The following IL26 variants were observed in gnomAD, a reference collection of about 807,000 sequenced individuals.
The protein encoded by IL26 is interleukin-26.
Under a neutral mutation model 21.7 loss-of-function variants are expected in IL26, and 23 were observed. The observed-to-expected ratio is 1.06, with a 90% confidence interval of 0.76 to 1.50. The LOEUF (loss-of-function observed/expected upper bound fraction) is 1.50, where lower values mean the gene tolerates loss of function less well. IL26 is among the 40% of genes most tolerant of loss of function. The probability of loss-of-function intolerance (pLI) is 0.00; values close to 1 mark genes in which losing one functional copy is unlikely to be tolerated. For missense variants in IL26, 204 were observed against 196.0 expected, an observed-to-expected ratio of 1.04 and a Z score of -0.24; for synonymous variants, 63 against 67.8, an observed-to-expected ratio of 0.93 and a Z score of 0.34.
At chr12:68,208,881 G>C (rs1202378437) in intron 3 of IL26, among the ~76,000 whole-genome samples, 7 of 152,138 alleles carry the variant, frequency 4.6e-5, no homozygotes, top group African/African-American at 7.2e-5. Flanking sequence ...ATAGTGTTCA[G>C]CAAATACTAA....
chr12:68,220,932 T>G (rs905250950), intron 3 of IL26, among the ~76,000 whole-genome samples: 2 of 152,234 alleles, frequency 1.3e-5, no homozygotes, highest in African/African-American at 4.8e-5. Context: ...CTACCGTACC[T>G]GGCCAAATTC....
At chr12:68,205,869 T>C (rs953565336) in intron 3 of IL26, among the ~76,000 whole-genome samples, 1 of 152,222 alleles carries the variant, frequency 6.6e-6, no homozygotes, top group African/African-American at 2.4e-5. Flanking sequence ...AATTGTCTAA[T>C]GTCAATTTGT....
Position 68,201,380 on chromosome 12 carries a change from C to A in IL26, c.*465G>T, listed in dbSNP as rs1186932312. The A allele has an allele frequency of 2.0e-5, 3 of 152,714 alleles. No individual in the cohort carries two copies. The highest frequency in any genetic ancestry group is 7.2e-5 in the African/African-American group (3 of 41,438). 9.5% of individuals were successfully genotyped at this position (152,714 alleles called of 1,614,324 possible). ...GAAACCCAATTTATTTAATTAAAAT[C>A]AAAATGTGTTAAGTACTAAGTTCAC... On this transcript the variant is annotated 3_prime_UTR_variant, in exon 5 of 5. Transcript: ENST00000229134.
At chr12:68,217,224 G>A (rs1450368523) in intron 3 of IL26, among the ~76,000 whole-genome samples, 1 of 152,164 alleles carries the variant, frequency 6.6e-6, no homozygotes, top group Non-Finnish European at 1.5e-5. Context: ...CAGTGGTACT[G>A]GGAATTCCAG....
intron 3 of IL26, among the ~76,000 whole-genome samples, chr12:68,202,889 C>T (rs770176220): frequency 4.6e-5 from 7 of 151,958 alleles, no homozygotes; most frequent in East Asian, 1.9e-4. Context: ...TATGCTCCTC[C>T]GAGGCAAGAG....
chr12:68,224,048 CTCT>C (rs1565740710), intron 3 of IL26, among the ~76,000 whole-genome samples: 1 of 146,892 alleles, frequency 6.8e-6, no homozygotes, highest in East Asian at 2.0e-4. Context: ...CACCCCCCCC[CTCT>C]AATGGCCCAG....
chr12:68,205,372 G>T (rs780891312), intron 3 of IL26, among the ~76,000 whole-genome samples: 12 of 145,054 alleles, frequency 8.3e-5, no homozygotes, highest in Non-Finnish European at 1.3e-4. Flanking sequence ...TTGACCGGAA[G>T]CCTTATTGAT....
At chr12:68,203,519 G>A (rs1868444644) in intron 3 of IL26, among the ~76,000 whole-genome samples, 2 of 152,150 alleles carry the variant, frequency 1.3e-5, no homozygotes, top group African/African-American at 4.8e-5. Flanking sequence ...CTATCTAACA[G>A]TTAAAGATAA....
intron 3 of IL26, among the ~76,000 whole-genome samples, chr12:68,209,351 G>A (rs1868637265): frequency 6.6e-6 from 1 of 152,200 alleles, no homozygotes; most frequent in African/African-American, 2.4e-5. Context: ...GTGAGAATGT[G>A]GGGTTGAAAG....
chr12:68,225,281 T>C lies in IL26; in HGVS notation c.231A>G (p.Lys77=), dbSNP rs1869208576. ...GAAGCTGTTCTTGAAATTGACAGTT[T>C]TTCTAAAAATAAGATACAAGAAATT... The part of the protein sequence containing the change: ...LKKKTKKQFM[K]NCQFQEQLLS... Residue 77 remains lysine (K), a splice_region_variant and synonymous_variant, in exon 3 of 5, where the codon AAA becomes AAG. Transcript: ENST00000229134. 1 of 1,603,806 alleles carries C rather than the reference T, an allele frequency of 6.2e-7. No individual in the cohort carries two copies. The highest frequency in any genetic ancestry group is 2.2e-5 in the East Asian group (1 of 44,772).
chr12:68,220,119 C>T (rs1289490518), intron 3 of IL26, among the ~76,000 whole-genome samples: 1 of 152,084 alleles, frequency 6.6e-6, no homozygotes, highest in Non-Finnish European at 1.5e-5. Flanking sequence ...AATGGCTTCA[C>T]TGGTAAATCT....
At chr12:68,208,644 A>G (rs752410594) in intron 3 of IL26, among the ~76,000 whole-genome samples, 6 of 152,078 alleles carry the variant, frequency 3.9e-5, no homozygotes, top group Non-Finnish European at 8.8e-5. Context: ...CTGGGATTAC[A>G]GGCACCCACC....
At chr12:68,202,367 C>T (rs553760156) in intron 3 of IL26, among the ~76,000 whole-genome samples, 1 of 152,356 alleles carries the variant, frequency 6.6e-6, no homozygotes, top group East Asian at 1.9e-4. Context: ...CTACCTTCAA[C>T]TGGGTGGTCA....
rs1009555746 is a variant in IL26, at chr12:68,218,229, T to C, written c.363+6920A>G. Among the ~76,000 whole-genome samples, 14 of 70,842 alleles carry C rather than the reference T, an allele frequency of 2.0e-4. No individual in the cohort carries two copies. The East Asian group carries it at 4.2e-3, about 21-fold the overall frequency. 46.5% of individuals were successfully genotyped at this position (70,842 alleles called of 152,430 possible). On this transcript the variant is annotated intron_variant, in intron 3 of 4. Coordinates refer to ENST00000229134, the MANE Select transcript of IL26 (RefSeq NM_018402.2). The stretch of plus-strand genomic sequence containing the variant: ...CAAAGATGCTGTAAAATATGACCCA[T>C]AACGAGGGAAAAAAATCAATCAATT...
intron 2 of IL26, 33 bp from the exon 3 acceptor site, chr12:68,225,316 A>T (rs1217792034): frequency 6.3e-7 from 1 of 1,592,318 alleles, no homozygotes; most frequent in Non-Finnish European, 8.6e-7. Context: ...TGCATATGGT[A>T]AATTATGAAT....
chr12:68,221,497 A>G (rs1204842300), intron 3 of IL26, among the ~76,000 whole-genome samples: 5 of 152,226 alleles, frequency 3.3e-5, no homozygotes, highest in Non-Finnish European at 7.4e-5. Flanking sequence ...AAGGAGGTGG[A>G]TAGGACCAGT....
intron 3 of IL26, among the ~76,000 whole-genome samples, chr12:68,203,434 G>C (rs1361939488): frequency 6.6e-5 from 10 of 152,236 alleles, no homozygotes; most frequent in Non-Finnish European, 1.3e-4. Context: ...CAGAAAGGGA[G>C]ACCAAGGCCC....
At chr12:68,206,981 GT>G (rs1350641529) in intron 3 of IL26, among the ~76,000 whole-genome samples, 1 of 152,060 alleles carries the variant, frequency 6.6e-6, no homozygotes, top group East Asian at 1.9e-4. Flanking sequence ...TCTTTCTTTT[GT>G]TTTAAATTGT....
chr12:68,222,354 G>T (rs899390796), intron 3 of IL26, among the ~76,000 whole-genome samples: 1 of 152,310 alleles, frequency 6.6e-6, no homozygotes, highest in South Asian at 2.1e-4. Context: ...ATGTTTTATT[G>T]TTGGCATAAT....
Sources: allele counts gnomAD v4.1 joint callset (sites outside exome capture counted in the v4.1 genomes callset), GRCh38; gene constraint gnomAD v4.1.1; transcripts MANE v1.5; gene names NCBI Gene and HGNC (gene_info 2026-07-23, HGNC 2026-07-21).